Variants in XKR6 observed in about 807,000 individuals in gnomAD.
XKR6 encodes XK related 6, also known as XK-related protein 6.
In XKR6, 22 loss-of-function variants were observed where a neutral mutation model predicts 56.7. The ratio of observed to expected loss-of-function variants is 0.39; its 90% confidence interval spans 0.28 to 0.55. XKR6 has a LOEUF of 0.55. Ranked by LOEUF, XKR6 falls within the 20% of genes least tolerant of loss-of-function variation. The probability of loss-of-function intolerance (pLI) is 0.66; values close to 1 mark genes in which losing one functional copy is unlikely to be tolerated. For missense variants in XKR6, 852 were observed against 889.0 expected (o/e 0.96, Z 0.53); for synonymous variants, 524 against 387.8 (o/e 1.35, Z -4.13).
At chr8:11,023,083 T>C (rs1294235165) in intron 1 of XKR6, among the ~76,000 whole-genome samples, 1 of 152,226 alleles carries the variant, frequency 6.6e-6, no homozygotes, top group African/African-American at 2.4e-5. Flanking sequence ...TCGCAGACTC[T>C]GATGTGCCGA....
chr8:11,156,707 A>G (rs1384930864), intron 1 of XKR6, among the ~76,000 whole-genome samples: 3 of 152,214 alleles, frequency 2.0e-5, no homozygotes, highest in Non-Finnish European at 2.9e-5. Flanking sequence ...GTAAATCAAA[A>G]TATCTATTTT....
At chr8:11,130,878 T>A (rs1483897979) in intron 1 of XKR6, among the ~76,000 whole-genome samples, 2 of 152,124 alleles carry the variant, frequency 1.3e-5, no homozygotes, top group Non-Finnish European at 2.9e-5. Context: ...ACTGCAGCAA[T>A]GGTAACAGTA....
chr8:10,925,056 G>A (rs1043814628), intron 1 of XKR6, among the ~76,000 whole-genome samples: 78 of 152,150 alleles, frequency 5.1e-4, no homozygotes, highest in Non-Finnish European at 2.2e-4. Context: ...GACCCCTCGT[G>A]GACCCCTAGG....
chr8:11,200,734 C>G lies in XKR6; in HGVS notation c.606G>C (p.Arg202=). 6.3e-7 allele frequency: 1 copy of G among 1,591,698 alleles called. No homozygotes were observed. The highest frequency in any genetic ancestry group is 8.5e-7 in the Non-Finnish European group (1 of 1,172,264). ...GLGAVEGLTS[R]GPPMMGAGYV... Reference sequence around the variant, plus strand: ...AGCCGGCCCCCATCATGGGGGGGCCCCGGCTGGTGAGCCCCTCCACGGCGC... The same window carrying G: ...AGCCGGCCCCCATCATGGGGGGGCCGCGGCTGGTGAGCCCCTCCACGGCGC... Residue 202 remains arginine (R), a synonymous_variant, in exon 1 of 3, where the codon CGG becomes CGC. Transcript: ENST00000416569. The surrounding 1 kb of genome is among the most constrained non-coding windows in gnomAD (Gnocchi z 6.4).
At chr8:11,016,657 G>A (rs909922482) in intron 1 of XKR6, among the ~76,000 whole-genome samples, 1 of 152,104 alleles carries the variant, frequency 6.6e-6, no homozygotes, top group South Asian at 2.1e-4. Flanking sequence ...TCACTGCCAC[G>A]GATGACGACG....
chr8:10,930,256 C>A (rs1281382428), intron 1 of XKR6, among the ~76,000 whole-genome samples: 1 of 152,210 alleles, frequency 6.6e-6, no homozygotes, highest in Non-Finnish European at 1.5e-5. Flanking sequence ...GCACTGAAAT[C>A]TCTGATTGTG....
chr8:11,086,299 G>C (rs994099505), intron 1 of XKR6, among the ~76,000 whole-genome samples: 14 of 152,048 alleles, frequency 9.2e-5, no homozygotes, highest in African/African-American at 2.4e-5. Context: ...GCTTGTACTT[G>C]GCCTGACCTG....
In XKR6 at chr8:10,960,596, C is replaced by T. The variant is rs145996845; in HGVS notation, c.765-35766G>A. On this transcript the variant is annotated intron_variant, in intron 1 of 2. Transcript: ENST00000416569. ...CATAGTTATCTTATTTGATCCTCAA[C>T]ACAGCCCAGCCACAGGGGCATCATT... Among the ~76,000 whole-genome samples, 17 of 152,348 alleles carry T rather than the reference C, an allele frequency of 1.1e-4. No homozygotes were observed. In the East Asian group the frequency reaches 2.5e-3, roughly 22 times the overall value.
intron 1 of XKR6, among the ~76,000 whole-genome samples, chr8:11,002,078 A>AC (rs1320423245): frequency 6.9e-6 from 1 of 145,894 alleles, no homozygotes; most frequent in Non-Finnish European, 1.5e-5. Flanking sequence ...AAAAAAAAAA[A>AC]AAACACACAA....
intron 1 of XKR6, among the ~76,000 whole-genome samples, chr8:10,957,771 C>T (rs1375889248): frequency 2.0e-5 from 3 of 152,184 alleles, no homozygotes; most frequent in Non-Finnish European, 2.9e-5. Context: ...TCCATCCCTC[C>T]TCAGAACAAG....
At chr8:11,128,764 C>T (rs936043502) in intron 1 of XKR6, 4 of 443,066 alleles carry the variant, frequency 9.0e-6, no homozygotes, top group Non-Finnish European at 1.8e-5. Flanking sequence ...CTTTCTTTCC[C>T]TCACATCCAT....
chr8:11,068,192 C>T (rs1423444680), intron 1 of XKR6, among the ~76,000 whole-genome samples: 1 of 152,222 alleles, frequency 6.6e-6, no homozygotes, highest in African/African-American at 2.4e-5. Context: ...CTGTCCTCGC[C>T]CTCCCAGGGC....
At chr8:10,991,849 A>G (rs919280222) in intron 1 of XKR6, among the ~76,000 whole-genome samples, 1 of 152,220 alleles carries the variant, frequency 6.6e-6, no homozygotes, top group South Asian at 2.1e-4. Context: ...AATTGTCTCA[A>G]ACACTGTTCT....
Position 10,897,924 on chromosome 8 carries a change from TC to T in XKR6, c.*27del. The T allele has an allele frequency of 6.5e-7, 1 of 1,528,150 alleles. No homozygotes were observed. The highest frequency in any genetic ancestry group is 8.8e-7 in the Non-Finnish European group (1 of 1,138,350). 94.7% of individuals were successfully genotyped at this position (1,528,150 alleles called of 1,614,324 possible). ...TGTTTGCCGCAAACCAAACTTAAGG[TC>T]CCCTTCTCAACTTGGTCAAGATGCT... On this transcript the variant is annotated 3_prime_UTR_variant, in exon 3 of 3. Coordinates refer to ENST00000416569, the MANE Select transcript of XKR6 (RefSeq NM_173683.4).
intron 1 of XKR6, among the ~76,000 whole-genome samples, chr8:11,193,259 A>T (rs1285569270): frequency 2.0e-5 from 3 of 152,240 alleles, no homozygotes; most frequent in Non-Finnish European, 4.4e-5. Flanking sequence ...AAGAAGACAA[A>T]AACACTCCAT....
intron 1 of XKR6, among the ~76,000 whole-genome samples, chr8:11,095,882 T>C (rs901861249): frequency 2.6e-5 from 4 of 152,246 alleles, no homozygotes; most frequent in Admixed American, 1.3e-4. Flanking sequence ...TGCCAATTAG[T>C]AATTCCACTG....
intron 1 of XKR6, among the ~76,000 whole-genome samples, chr8:10,984,767 T>C (rs1001342274): frequency 7.0e-6 from 1 of 143,030 alleles, no homozygotes; most frequent in Non-Finnish European, 1.5e-5. Context: ...TTTGAAGAAA[T>C]GTGCATGAAG....
At chr8:10,948,767 T>A (rs1317624637) in intron 1 of XKR6, among the ~76,000 whole-genome samples, 4 of 152,202 alleles carry the variant, frequency 2.6e-5, no homozygotes, top group Non-Finnish European at 5.9e-5. Flanking sequence ...CAAGCCCTCC[T>A]TGTATCCGTG....
intron 2 of XKR6, among the ~76,000 whole-genome samples, chr8:10,916,452 A>G (rs77281975): frequency 0.048 from 7,281 of 152,328 alleles, 246 homozygotes; most frequent in Non-Finnish European, 0.077. Context: ...GACTGGAAAG[A>G]GACAAGAAAG....
Sources: allele counts gnomAD v4.1 joint callset (sites outside exome capture counted in the v4.1 genomes callset), GRCh38; gene constraint gnomAD v4.1.1; non-coding constraint Gnocchi (gnomAD v3.1); transcripts MANE v1.5; gene names NCBI Gene and HGNC (gene_info 2026-07-23, HGNC 2026-07-21).